Variants in TRMT10A observed in about 807,000 individuals in gnomAD.
TRMT10A encodes tRNA methyltransferase 10 homolog A.
A neutral mutation model predicts 40.4 loss-of-function variants in TRMT10A; 37 were observed. The ratio of observed to expected loss-of-function variants is 0.92; its 90% confidence interval spans 0.71 to 1.21. The LOEUF (loss-of-function observed/expected upper bound fraction) is 1.21. TRMT10A is among the 50% of genes most tolerant of loss of function. The pLI, the probability that TRMT10A is intolerant of heterozygous loss-of-function variation, is 0.00. For missense variants in TRMT10A, 388 were observed against 404.3 expected, an observed-to-expected ratio of 0.96 and a Z score of 0.35; for synonymous variants, 103 against 134.1, an observed-to-expected ratio of 0.77 and a Z score of 1.60.
chr4:99,553,643 C>T (rs1453819029), intron 6 of TRMT10A, 142 bp downstream of exon 6: 2 of 721,670 alleles, frequency 2.8e-6, no homozygotes, highest in Non-Finnish European at 4.3e-6. Flanking sequence ...ATGTGAAATA[C>T]TTTGCTTAGC....
At chr4:99,560,544 T>C (rs1372552285) in intron 1 of TRMT10A, among the ~76,000 whole-genome samples, 1 of 151,882 alleles carries the variant, frequency 6.6e-6, no homozygotes, top group Non-Finnish European at 1.5e-5. Flanking sequence ...AAAAGGTAAT[T>C]AGAGATAAAC....
In TRMT10A at chr4:99,547,990, C is replaced by G. The variant is rs372926011; in HGVS notation, c.*1098G>C. The G allele has an allele frequency of 5.9e-5, 9 of 152,066 alleles. No homozygotes were observed. The highest frequency in any genetic ancestry group is 1.9e-4 in the African/African-American group (8 of 41,428). 9.4% of individuals were successfully genotyped at this position (152,066 alleles called of 1,614,324 possible). ...ACAGTTCCCTTTCACACTATTCTTT[C>G]TTGCCAATGTTCCCATACAAACGTT... On this transcript the variant is annotated 3_prime_UTR_variant, in exon 8 of 8. Coordinates refer to ENST00000394876, the MANE Select transcript of TRMT10A (RefSeq NM_001134665.3).
At chr4:99,558,260 T>C (rs756150295) in intron 2 of TRMT10A, 49 bp from the exon 3 acceptor site, 1 of 1,413,838 alleles carries the variant, frequency 7.1e-7, no homozygotes, top group Non-Finnish European at 9.6e-7. Flanking sequence ...ATTCAGTTAT[T>C]TACAAGACTC....
intron 3 of TRMT10A, 33 bp downstream of exon 3, chr4:99,558,016 A>G (rs1361258128): frequency 6.6e-7 from 1 of 1,517,742 alleles, no homozygotes; most frequent in Non-Finnish European, 8.8e-7. Context: ...CCTAATTCAC[A>G]TACAAGATTT....
At position 99,546,802 on chromosome 4, in the gene TRMT10A, TAA is replaced by T. The variant is rs1723754274; in HGVS notation, c.*2284_*2285del. The T allele has an allele frequency of 1.3e-5, 2 of 152,290 alleles. No homozygotes were observed. Among genetic ancestry groups the T allele is most frequent in the South Asian group, 4.1e-4 (2 of 4,830 alleles). The allele number at this position is 152,290 out of a possible 1,614,324, so 9.4% of individuals were successfully genotyped here. On this transcript the variant is annotated 3_prime_UTR_variant, in exon 8 of 8. Coordinates refer to ENST00000394876, the MANE Select transcript of TRMT10A (RefSeq NM_001134665.3). ...TAGTATTTACTGAAGTTTTAACAAATAACCTAAATAAACCAAAACAATGTTGA... is the reference window on the plus strand; with the variant it reads ...TAGTATTTACTGAAGTTTTAACAAATCCTAAATAAACCAAAACAATGTTGA...
rs546481406 is a variant in TRMT10A, at chr4:99,563,973, G to C, written c.-84C>G. On this transcript the variant is annotated 5_prime_UTR_variant, in exon 1 of 8. Coordinates refer to ENST00000394876, the MANE Select transcript of TRMT10A (RefSeq NM_001134665.3). ...AAAGAAAGCCTTTCTGGGTTGGCCT[G>C]GTTACGGCTCACGCTTCCTTCCACA... 1.5e-4 allele frequency: 191 copies of C among 1,276,362 alleles called. 1 individual carries two copies. In the South Asian group the frequency reaches 2.2e-3, roughly 15 times the overall value. The allele number at this position is 1,276,362 out of a possible 1,614,324, so 79.1% of individuals were successfully genotyped here.
intron 1 of TRMT10A, among the ~76,000 whole-genome samples, chr4:99,561,404 A>G (rs1164541339): frequency 6.6e-6 from 1 of 152,158 alleles, no homozygotes; most frequent in Non-Finnish European, 1.5e-5. Flanking sequence ...CAATCTCTCA[A>G]ACACAAGGAA....
chr4:99,554,592 G>C (rs1372415132), intron 5 of TRMT10A, among the ~76,000 whole-genome samples: 1 of 151,640 alleles, frequency 6.6e-6, no homozygotes, highest in Non-Finnish European at 1.5e-5. Flanking sequence ...GTGGTGGCGG[G>C]CTCCTGTAAT....
rs556931066 is a variant in TRMT10A, at chr4:99,548,348, C to T, written c.*740G>A. ...GTTCCATTTTAAATGCAGGTAAAGA[C>T]AAAATTGATCTTTCAATAGCAACAG... is the stretch of plus-strand genomic sequence containing the variant. On this transcript the variant is annotated 3_prime_UTR_variant, in exon 8 of 8. Transcript: ENST00000394876. 5.5e-4 allele frequency: 83 copies of T among 151,988 alleles called. 2 individuals carry two copies. Among genetic ancestry groups the T allele is most frequent in the South Asian group, 6.2e-4 (3 of 4,816 alleles). 9.4% of individuals were successfully genotyped at this position (151,988 alleles called of 1,614,324 possible). A position where few individuals can be genotyped will look rare whatever the true frequency, so the allele number is the denominator to read the frequency against.
chr4:99,550,350 C>T (rs1723911857), intron 7 of TRMT10A, among the ~76,000 whole-genome samples: 2 of 152,090 alleles, frequency 1.3e-5, no homozygotes, highest in African/African-American at 4.8e-5. Flanking sequence ...CCATCATGCC[C>T]AGCTAATTTT....
chr4:99,557,607 T>C (rs1233365695), intron 3 of TRMT10A, 191 bp from the exon 4 acceptor site: 15 of 506,402 alleles, frequency 3.0e-5, no homozygotes, highest in Non-Finnish European at 3.5e-5. Context: ...GTTAATGCTC[T>C]GTAAGTGACC....
chr4:99,553,915 T>C lies in TRMT10A; in HGVS notation c.515A>G (p.Glu172Gly). 6.2e-7 allele frequency: 1 copy of C among 1,613,086 alleles called. No individual in the cohort carries two copies. Among genetic ancestry groups the C allele is most frequent in the Non-Finnish European group, 8.5e-7 (1 of 1,179,662 alleles). Residue 172 changes from glutamate to glycine, a missense_variant, in exon 6 of 8, where the codon GAG (glutamate) becomes GGG (glycine). Physicochemically the swap from Glu to Gly is moderately conservative, Grantham distance 98. Transcript: ENST00000394876. ...TTTCTTTATGAGTTCACTATAGTGC[T>C]CTGGTTTGATATGGATATCCTTTAA... ...VNWKDIHIKP[E>G]HYSELIKKED...
chr4:99,562,199 ATATGTGTGTGTG>A (rs1399787787), intron 1 of TRMT10A, among the ~76,000 whole-genome samples: 3 of 117,652 alleles, frequency 2.5e-5, no homozygotes, highest in African/African-American at 3.8e-5. Flanking sequence ...ATATATATAT[ATATGTGTGTGTG>A]TGTGTGTGTG....
Position 99,547,803 on chromosome 4 carries a change from C to G in TRMT10A, c.*1285G>C, listed in dbSNP as rs1036356773. The G allele has an allele frequency of 6.6e-6, 1 of 151,860 alleles. No individual in the cohort carries two copies. The highest frequency in any genetic ancestry group is 2.4e-5 in the African/African-American group (1 of 41,392). 9.4% of individuals were successfully genotyped at this position (151,860 alleles called of 1,614,324 possible). On this transcript the variant is annotated 3_prime_UTR_variant, in exon 8 of 8. Transcript: ENST00000394876. ...TGTAACATATATAGTATGTTATATA[C>G]TTTTTAAATATAACTTTTATATATT...
intron 7 of TRMT10A, among the ~76,000 whole-genome samples, chr4:99,549,661 C>A (rs1723887227): frequency 6.6e-6 from 1 of 152,192 alleles, no homozygotes; most frequent in Non-Finnish European, 1.5e-5. Context: ...AGCCCCTTCA[C>A]ATCTTTATCC....
intron 4 of TRMT10A, 86 bp from the exon 5 acceptor site, chr4:99,556,306 G>A (rs368388888): frequency 1.7e-5 from 20 of 1,176,398 alleles, no homozygotes; most frequent in Non-Finnish European, 2.4e-5. Flanking sequence ...CTTATCTGAC[G>A]ATCAATGAAA....
chr4:99,557,248 T>A, intron 4 of TRMT10A, 97 bp downstream of exon 4: 1 of 1,226,138 alleles, frequency 8.2e-7, no homozygotes, highest in Non-Finnish European at 1.1e-6. Flanking sequence ...CAAGATTACC[T>A]GTAAGACTAC....
chr4:99,559,229 C>T lies in TRMT10A; in HGVS notation c.110G>A (p.Cys37Tyr). The part of the protein sequence containing the change: ...ESQKPRLGEG[C>Y]EPISKRQMKK... ...CATTTGTCGTTTAGATATTGGTTCA[C>T]ACCCTTCACCTAATCTTGGCTTCTG... Residue 37 changes from cysteine (C) to tyrosine (Y), a missense_variant, in exon 2 of 8, where the codon TGT becomes TAT. Coordinates refer to ENST00000394876, the MANE Select transcript of TRMT10A (RefSeq NM_001134665.3). The T allele has an allele frequency of 6.2e-7, 1 of 1,613,726 alleles. No homozygotes were observed. Among genetic ancestry groups the T allele is most frequent in the Non-Finnish European group, 8.5e-7 (1 of 1,179,730 alleles).
At chr4:99,556,346 G>C (rs767755458) in intron 4 of TRMT10A, 126 bp from the exon 5 acceptor site, 1 of 904,034 alleles carries the variant, frequency 1.1e-6, no homozygotes, top group Non-Finnish European at 1.6e-6. Flanking sequence ...CATTCATCTA[G>C]AAAAAAAATT....
Sources: allele counts gnomAD v4.1 joint callset (sites outside exome capture counted in the v4.1 genomes callset), GRCh38; gene constraint gnomAD v4.1.1; transcripts MANE v1.5; gene names NCBI Gene and HGNC (gene_info 2026-07-23, HGNC 2026-07-21).